Variants in NRG1 observed in about 807,000 individuals in gnomAD.
NRG1 encodes neuregulin 1, also known as pro-neuregulin-1, membrane-bound isoform.
In NRG1, 18 loss-of-function variants were observed where a neutral mutation model predicts 63.8. The observed-to-expected ratio is 0.28, with a 90% CI of 0.19 to 0.42. NRG1 has a LOEUF of 0.42. Ranked by LOEUF, NRG1 falls within the 10% of genes least tolerant of loss-of-function variation. NRG1 has a pLI of 1.00. For synonymous variants in NRG1, 302 were observed against 301.3 expected (o/e 1.00, Z -0.02); for missense variants, 762 against 814.7 (o/e 0.94, Z 0.79).
chr8:31,972,277 A>C (rs957169447), intron 1 of NRG1, among the ~76,000 whole-genome samples: 2 of 152,072 alleles, frequency 1.3e-5, no homozygotes, highest in Admixed American at 1.3e-4. Context: ...CACCAGGTTC[A>C]TGGTCTTACT....
chr8:32,619,576 G>C (rs1157245723), intron 5 of NRG1, among the ~76,000 whole-genome samples: 3 of 152,128 alleles, frequency 2.0e-5, no homozygotes, highest in African/African-American at 7.2e-5. Context: ...GGTAGCAGTA[G>C]AGGTGGCAAA....
chr8:32,691,623 AT>A (rs898069972), intron 5 of NRG1, among the ~76,000 whole-genome samples: 4 of 152,212 alleles, frequency 2.6e-5, no homozygotes, highest in Non-Finnish European at 5.9e-5. Flanking sequence ...ACATTGAGCA[AT>A]TTTTTTGAAA....
chr8:32,673,718 G>A (rs1806308893), intron 5 of NRG1, among the ~76,000 whole-genome samples: 1 of 152,116 alleles, frequency 6.6e-6, no homozygotes, highest in Non-Finnish European at 1.5e-5. Context: ...GCCTGCCTTT[G>A]AACTGTGAAA....
intron 1 of NRG1, among the ~76,000 whole-genome samples, chr8:31,993,477 C>A (rs999638845): frequency 2.0e-5 from 3 of 151,938 alleles, no homozygotes; most frequent in African/African-American, 7.2e-5. Flanking sequence ...GCAGTTTCCC[C>A]CATACTGTTC....
chr8:31,844,041 C>T (rs1177451959), intron 1 of NRG1, among the ~76,000 whole-genome samples: 1 of 152,196 alleles, frequency 6.6e-6, no homozygotes, highest in African/African-American at 2.4e-5. Context: ...ATTCTCCCAA[C>T]AGCCATATGA....
chr8:32,614,116 G>T (rs993001718), intron 3 of NRG1, among the ~76,000 whole-genome samples: 4 of 152,028 alleles, frequency 2.6e-5, no homozygotes, highest in Admixed American at 2.0e-4. Context: ...GAACAAAAAT[G>T]TACTTGTTCA....
At chr8:31,783,180 C>T (rs1397704969) in intron 1 of NRG1, among the ~76,000 whole-genome samples, 1 of 152,102 alleles carries the variant, frequency 6.6e-6, no homozygotes, top group Non-Finnish European at 1.5e-5. Context: ...ATGGTGACAG[C>T]CATTGTTAAT....
At chr8:31,641,661 G>A (rs1286925357) in intron 1 of NRG1, 1 of 152,100 alleles carries the variant, frequency 6.6e-6, no homozygotes, top group Non-Finnish European at 1.5e-5. Flanking sequence ...ATAATTTCCT[G>A]ATTACTATAT....
rs75703442 is a variant in NRG1 at position 32,119,156 on chromosome 8, G to T, written c.38-476672G>T. Among the ~76,000 whole-genome samples the T allele has an allele frequency of 2.6e-3, 401 of 152,092 alleles. 1 individual carries two copies. Among genetic ancestry groups the T allele is most frequent in the African/African-American group, 9.3e-3 (385 of 41,486 alleles). On this transcript the variant is annotated intron_variant, in intron 1 of 10. Coordinates refer to the NRG1 transcript ENST00000519301. ...ACATAGAAGGTTCTATTATTTAATA[G>T]GTAGAAGGAAAGAATGAGTATTACA...
intron 1 of NRG1, among the ~76,000 whole-genome samples, chr8:32,591,046 C>T (rs962885054): frequency 1.3e-5 from 2 of 152,196 alleles, no homozygotes; most frequent in Admixed American, 6.5e-5. Context: ...GAAGGTACCA[C>T]TGACGGCAGA....
intron 5 of NRG1, chr8:32,647,184 T>C (rs1479967738): frequency 2.0e-5 from 20 of 985,388 alleles, no homozygotes; most frequent in Non-Finnish European, 2.4e-5. Context: ...TCAGCCGTCG[T>C]CGCGTTAACA....
intron 6 of NRG1, among the ~76,000 whole-genome samples, chr8:32,733,641 C>A (rs1203911155): frequency 6.6e-6 from 1 of 152,036 alleles, no homozygotes; most frequent in African/African-American, 2.4e-5. Flanking sequence ...GTTTATAGAA[C>A]AGCTATTTGC....
At chr8:32,423,032 A>G (rs187069704) in intron 1 of NRG1, among the ~76,000 whole-genome samples, 1 of 152,190 alleles carries the variant, frequency 6.6e-6, no homozygotes, top group Admixed American at 6.5e-5. Flanking sequence ...CAAGTTGTCA[A>G]CTGCACTCCC....
chr8:32,324,330 G>C (rs528896718), intron 1 of NRG1, among the ~76,000 whole-genome samples: 2 of 152,290 alleles, frequency 1.3e-5, no homozygotes, highest in Non-Finnish European at 2.9e-5. Context: ...GAGAGGTACT[G>C]ATTGCTCATT....
At chr8:32,551,910 CTTTTTT>C (rs34051371) in intron 1 of NRG1, among the ~76,000 whole-genome samples, 4 of 112,160 alleles carry the variant, frequency 3.6e-5, no homozygotes, top group African/African-American at 6.9e-5. Context: ...AAAACCAGAG[CTTTTTT>C]TTTTTTTTTT....
rs1826533753 is a variant in NRG1, at chr8:31,844,873, G to A, written c.37+205442G>A. Reference sequence around the variant, plus strand: ...GAGGATCCTAGAGCAAGTAATCCCAGCACTTTGGGAGGATCATGAGGTCAG... The same window carrying A: ...GAGGATCCTAGAGCAAGTAATCCCAACACTTTGGGAGGATCATGAGGTCAG... On this transcript the variant is annotated intron_variant, in intron 1 of 10. Coordinates refer to the NRG1 transcript ENST00000519301. 2.0e-5 allele frequency among the ~76,000 whole-genome samples: 3 copies of A among 151,668 alleles called. No individual in the cohort carries two copies. In the South Asian group the frequency reaches 6.2e-4, roughly 32 times the overall value.
chr8:32,272,292 C>G (rs1273101108), intron 1 of NRG1, among the ~76,000 whole-genome samples: 1 of 152,078 alleles, frequency 6.6e-6, no homozygotes, highest in Non-Finnish European at 1.5e-5. Flanking sequence ...ACAGAGTGAG[C>G]CCTGGCATCT....
At chr8:31,882,437 C>T (rs536791045) in intron 1 of NRG1, among the ~76,000 whole-genome samples, 111 of 151,218 alleles carry the variant, frequency 7.3e-4, no homozygotes, top group East Asian at 7.8e-4. Flanking sequence ...AGAAGGTGAA[C>T]GTTGTTTTCA....
chr8:31,740,135 T>C (rs540554025), intron 1 of NRG1, among the ~76,000 whole-genome samples: 1 of 152,222 alleles, frequency 6.6e-6, no homozygotes, highest in African/African-American at 2.4e-5. Flanking sequence ...CTCTATTCTT[T>C]TTTTATATGT....
Sources: gnomAD v4.1 joint callset for allele counts (sites outside exome capture counted in the v4.1 genomes callset) on GRCh38, gnomAD v4.1.1 for gene constraint, MANE v1.5 for transcripts, NCBI Gene and HGNC (gene_info 2026-07-23, HGNC 2026-07-21) for gene names.